LSAMP: variants seen among roughly 807,000 people sequenced by gnomAD.
LSAMP encodes the protein limbic system associated membrane protein.
In LSAMP, 7 loss-of-function variants were observed where a neutral mutation model predicts 38.6. The observed-to-expected ratio is 0.18, with a 90% CI of 0.10 to 0.34. The LOEUF is 0.34. Among genes scored for constraint, LSAMP ranks in the 10% least tolerant of loss-of-function variants. The pLI, the probability that LSAMP is intolerant of heterozygous loss-of-function variation, is 1.00. For missense variants in LSAMP, 313 were observed against 420.0 expected (o/e 0.75, Z 2.23); for synonymous variants, 154 against 166.8 (o/e 0.92, Z 0.59).
rs76120432 is a variant in LSAMP at position 116,067,067 on chromosome 3, C to T, written c.388+19257G>A. Reference sequence around the variant, plus strand: ...AGAGCAGTTCTTACCTTCTTAAGTTCTCCCCAACTTAAGGAAAAACATCAG... The same window carrying T: ...AGAGCAGTTCTTACCTTCTTAAGTTTTCCCCAACTTAAGGAAAAACATCAG... On this transcript the variant is annotated intron_variant, in intron 2 of 6. Coordinates refer to ENST00000490035, the MANE Select transcript of LSAMP (RefSeq NM_002338.5). Among the ~76,000 whole-genome samples, 297 of 152,258 alleles carry T rather than the reference C, an allele frequency of 2.0e-3. 1 individual carries two copies. Among genetic ancestry groups the T allele is most frequent in the African/African-American group, 6.9e-3 (287 of 41,556 alleles).
At chr3:115,985,482 A>G (rs1339450383) in intron 3 of LSAMP, among the ~76,000 whole-genome samples, 1 of 152,214 alleles carries the variant, frequency 6.6e-6, no homozygotes, top group African/African-American at 2.4e-5. Flanking sequence ...CTGCCTGTGG[A>G]AAACAGCCTC....
intron 2 of LSAMP, among the ~76,000 whole-genome samples, chr3:116,033,825 A>C (rs1209619875): frequency 1.3e-5 from 2 of 152,132 alleles, no homozygotes; most frequent in African/African-American, 4.8e-5. Context: ...GGGTGTGGGG[A>C]GAACGTGATG....
intron 2 of LSAMP, among the ~76,000 whole-genome samples, chr3:116,048,182 T>G (rs970791408): frequency 9.9e-5 from 15 of 152,198 alleles, no homozygotes; most frequent in Non-Finnish European, 1.6e-4. Flanking sequence ...GATTTGTTGT[T>G]AGAGAAGAGT....
chr3:116,409,497 AG>A (rs2048943390), intron 1 of LSAMP, among the ~76,000 whole-genome samples: 2 of 152,070 alleles, frequency 1.3e-5, no homozygotes, highest in South Asian at 4.1e-4. Context: ...GACCTGAGGA[AG>A]TCAGAACAAC....
At position 116,401,435 on chromosome 3, in the gene LSAMP, T is replaced by C. The variant is rs146546606; in HGVS notation, c.155+43442A>G. ...TAGCTGGAACTACAGGCACATGCCA[T>C]CATGCCCAGCTAATCTTTGTATAAT... On this transcript the variant is annotated intron_variant, in intron 1 of 6. Transcript: ENST00000490035. 6.2e-3 allele frequency among the ~76,000 whole-genome samples: 942 copies of C among 152,238 alleles called. 11 individuals are homozygous for C. Among genetic ancestry groups the C allele is most frequent in the African/African-American group, 0.022 (894 of 41,540 alleles).
chr3:116,282,404 G>T (rs1159783770), intron 1 of LSAMP, among the ~76,000 whole-genome samples: 1 of 152,116 alleles, frequency 6.6e-6, no homozygotes, highest in Admixed American at 6.6e-5. Flanking sequence ...TTCATTAAAA[G>T]TAATTTAACT....
intron 3 of LSAMP, among the ~76,000 whole-genome samples, chr3:116,000,377 C>T (rs74731211): frequency 0.018 from 2,698 of 152,154 alleles, 89 homozygotes; most frequent in African/African-American, 0.062. Flanking sequence ...TCCCCAGAAC[C>T]CCTAGATAGG....
intron 3 of LSAMP, among the ~76,000 whole-genome samples, chr3:115,891,233 G>A (rs1366574461): frequency 6.6e-6 from 1 of 151,950 alleles, no homozygotes; most frequent in Non-Finnish European, 1.5e-5. Flanking sequence ...ATGGAAGTTT[G>A]TAGGCCCCTC....
chr3:116,194,202 C>G (rs186392980), intron 1 of LSAMP, among the ~76,000 whole-genome samples: 40 of 152,142 alleles, frequency 2.6e-4, no homozygotes, highest in South Asian at 6.2e-4. Context: ...ATATAGGAAG[C>G]TGAAGATGGA....
At chr3:116,268,663 A>AAAG (rs1413533886) in intron 1 of LSAMP, among the ~76,000 whole-genome samples, 2 of 146,014 alleles carry the variant, frequency 1.4e-5, no homozygotes, top group African/African-American at 5.1e-5. Context: ...TAAGATTTCC[A>AAAG]AAGTGTTTTT....
At chr3:116,434,712 C>T (rs2049324474) in intron 1 of LSAMP, among the ~76,000 whole-genome samples, 2 of 152,080 alleles carry the variant, frequency 1.3e-5, no homozygotes, top group South Asian at 4.2e-4. Flanking sequence ...CCACCAGGCC[C>T]AGCCAATTTT....
intron 1 of LSAMP, among the ~76,000 whole-genome samples, chr3:116,387,116 G>C (rs556814853): frequency 1.3e-5 from 2 of 152,142 alleles, no homozygotes; most frequent in Non-Finnish European, 2.9e-5. Flanking sequence ...TATACTGTAA[G>C]CATATGTAAC....
intron 3 of LSAMP, among the ~76,000 whole-genome samples, chr3:115,988,650 C>A (rs1051440346): frequency 2.6e-5 from 4 of 152,056 alleles, no homozygotes; most frequent in African/African-American, 9.7e-5. Context: ...ACTCTTTAGA[C>A]TGGACTAATG....
intron 1 of LSAMP, among the ~76,000 whole-genome samples, chr3:116,118,667 G>A (rs1052959783): frequency 1.3e-5 from 2 of 152,074 alleles, no homozygotes; most frequent in Non-Finnish European, 2.9e-5. Context: ...GAGACCAGAG[G>A]CTCTATCTGC....
intron 3 of LSAMP, among the ~76,000 whole-genome samples, chr3:115,854,870 C>T (rs1935457648): frequency 6.6e-6 from 1 of 152,100 alleles, no homozygotes; most frequent in South Asian, 2.1e-4. Flanking sequence ...TCATTGAAAA[C>T]CTAGAATGCA....
intron 1 of LSAMP, among the ~76,000 whole-genome samples, chr3:116,347,361 A>G (rs2048077758): frequency 2.0e-5 from 3 of 152,294 alleles, no homozygotes; most frequent in African/African-American, 7.2e-5. Flanking sequence ...TCAGAAAACA[A>G]ATATTGGCTC....
intron 2 of LSAMP, among the ~76,000 whole-genome samples, chr3:116,026,094 T>C (rs1403745358): frequency 6.6e-6 from 1 of 152,174 alleles, no homozygotes; most frequent in African/African-American, 2.4e-5. Context: ...CTACATATTT[T>C]TTTTCTATTT....
At position 116,290,717 on chromosome 3, in the gene LSAMP, G is replaced by A. The variant is rs190080041; in HGVS notation, c.155+154160C>T. Among the ~76,000 whole-genome samples the A allele has an allele frequency of 4.6e-3, 663 of 144,986 alleles. 4 individuals are homozygous for A. The highest frequency in any genetic ancestry group is 0.016 in the African/African-American group (624 of 39,646). On this transcript the variant is annotated intron_variant, in intron 1 of 6. Transcript: ENST00000490035. ...TTCACTCCAGCCTGGGTGACAGAGC[G>A]AGACTCTGTCTCACAAAAATAATAA... is the stretch of plus-strand genomic sequence containing the variant.
intron 2 of LSAMP, among the ~76,000 whole-genome samples, chr3:116,044,932 A>G (rs1941257626): frequency 1.3e-5 from 2 of 152,172 alleles, no homozygotes; most frequent in African/African-American, 4.8e-5. Flanking sequence ...TTACATTTCC[A>G]GAATGGAAAG....
Sources: allele counts gnomAD v4.1 joint callset (sites outside exome capture counted in the v4.1 genomes callset), GRCh38; gene constraint gnomAD v4.1.1; transcripts MANE v1.5; gene names NCBI Gene and HGNC (gene_info 2026-07-23, HGNC 2026-07-21).